Variants in DIP2A observed in about 807,000 individuals in gnomAD.
DIP2A encodes disco-interacting protein 2 homolog A.
DIP2A carries 85 observed loss-of-function variants against 177.4 expected under a neutral mutation model. The ratio of observed to expected loss-of-function variants is 0.48; its 90% CI spans 0.40 to 0.57. DIP2A has a LOEUF of 0.57. Among genes scored for constraint, DIP2A ranks in the 20% least tolerant of loss-of-function variants. The probability of loss-of-function intolerance (pLI) is 0.00; values close to 1 mark genes in which losing one functional copy is unlikely to be tolerated. For missense variants in DIP2A, 1,791 were observed against 2,100.2 expected, an observed-to-expected ratio of 0.85 and a Z score of 2.88; for synonymous variants, 886 against 881.8, an observed-to-expected ratio of 1.00 and a Z score of -0.08.
At chr21:46,529,701 T>A (rs967145905) in intron 9 of DIP2A, among the ~76,000 whole-genome samples, 1 of 152,256 alleles carries the variant, frequency 6.6e-6, no homozygotes, top group Non-Finnish European at 1.5e-5. Context: ...GTTTCATTGT[T>A]TGTCCACTGT....
At chr21:46,547,108 G>A (rs911932905) in intron 21 of DIP2A, 66 bp downstream of exon 21, 124 of 1,575,850 alleles carry the variant, frequency 7.9e-5, no homozygotes, top group South Asian at 1.1e-5. Flanking sequence ...AAGTCTTTGT[G>A]CAGTAGATGG....
intron 32 of DIP2A, among the ~76,000 whole-genome samples, chr21:46,559,908 CT>C (rs1257348328): frequency 1.3e-5 from 2 of 152,206 alleles, no homozygotes; most frequent in Admixed American, 1.3e-4. Flanking sequence ...GTGCTTCCCC[CT>C]CCCATGAGTT....
intron 1 of DIP2A, among the ~76,000 whole-genome samples, chr21:46,479,309 G>A (rs375337881): frequency 2.6e-5 from 4 of 152,194 alleles, no homozygotes; most frequent in Non-Finnish European, 5.9e-5. Flanking sequence ...CATTGGAAGA[G>A]TTGGTCTGAG....
intron 36 of DIP2A, 114 bp downstream of exon 36, chr21:46,566,001 C>T (rs944457374): frequency 1.2e-5 from 15 of 1,239,898 alleles, no homozygotes; most frequent in Non-Finnish European, 1.6e-5. Context: ...TGGTATTGCT[C>T]CTTGTGGGGG....
At chr21:46,565,639 A>G in intron 35 of DIP2A, 74 bp from the exon 36 acceptor site, 1 of 1,406,330 alleles carries the variant, frequency 7.1e-7, no homozygotes, top group Non-Finnish European at 9.7e-7. Flanking sequence ...ATTCTTGGCC[A>G]GTGGATGTCT....
At chr21:46,501,198 T>C (rs1035743876) in intron 5 of DIP2A, among the ~76,000 whole-genome samples, 1 of 152,188 alleles carries the variant, frequency 6.6e-6, no homozygotes, top group Non-Finnish European at 1.5e-5. Flanking sequence ...GAAGAATATA[T>C]TAAGTAAAAA....
rs2060911304 is a variant in DIP2A, at chr21:46,569,101, G to A, written c.*1479G>A. The A allele has an allele frequency of 6.6e-6, 1 of 152,176 alleles. No homozygotes were observed. The highest frequency in any genetic ancestry group is 1.5e-5 in the Non-Finnish European group (1 of 68,032). 9.4% of individuals were successfully genotyped at this position (152,176 alleles called of 1,614,324 possible). On this transcript the variant is annotated 3_prime_UTR_variant, in exon 38 of 38. Transcript: ENST00000417564. ...ATTATTTTTATATAGCTAATGAAGA[G>A]TATGTTACGAAATTGTTGGGTTTTT...
rs750623058 is a variant in DIP2A at position 46,550,677 on chromosome 21, G to A, written c.2772G>A (p.Pro924=). ...GCTTTCTGGAAGGGACGCTGCACCC[G>A]TGTAATGTGCTGATGTGCCCTCACA... The part of the protein sequence containing the change: ...KQRFLEGTLH[P]CNVLMCPHTC... Residue 924 remains proline (P), a synonymous_variant, in exon 23 of 38, where the codon CCG becomes CCA. Transcript: ENST00000417564. 25 of 1,613,870 alleles carry A rather than the reference G, an allele frequency of 1.5e-5. No homozygotes were observed. Among genetic ancestry groups the A allele is most frequent in the South Asian group, 1.4e-4 (13 of 91,078 alleles).
chr21:46,554,786 G>GGGGGGGGGGGGGGCCCCCC, intron 27 of DIP2A, 36 bp from the exon 28 acceptor site: 3 of 1,519,016 alleles, frequency 2.0e-6, no homozygotes, highest in Non-Finnish European at 2.7e-6. Flanking sequence ...AGCTTGAGAG[G>GGGGGGGGGGGGGGCCCCCC]CCCCGCCCAC....
chr21:46,461,923 A>C (rs2054352292), intron 1 of DIP2A, among the ~76,000 whole-genome samples: 1 of 150,604 alleles, frequency 6.6e-6, no homozygotes, highest in Non-Finnish European at 1.5e-5. Flanking sequence ...TTGGCTGGGC[A>C]TGGTGGTGTG....
Position 46,541,864 on chromosome 21 carries a change from T to C in DIP2A, c.2145T>C (p.Thr715=), listed in dbSNP as rs374738275. The C allele has an allele frequency of 4.3e-5, 70 of 1,614,074 alleles. No homozygotes were observed. In the South Asian group the frequency reaches 4.8e-4, roughly 11 times the overall value. Residue 715 remains threonine, a synonymous_variant, in exon 18 of 38, where the codon ACT becomes ACC. Coordinates refer to ENST00000417564, the MANE Select transcript of DIP2A (RefSeq NM_015151.4). ...VDTEEKLSVL[T]VQDVGQVMPG... Reference sequence around the variant, plus strand: ...CTGAAGAAAAGTTGTCAGTCCTTACTGTTCAGGACGTTGGTCAGGTGATGC... The same window carrying C: ...CTGAAGAAAAGTTGTCAGTCCTTACCGTTCAGGACGTTGGTCAGGTGATGC...
intron 2 of DIP2A, among the ~76,000 whole-genome samples, chr21:46,489,510 G>A (rs375981294): frequency 6.6e-6 from 1 of 152,144 alleles, no homozygotes; most frequent in East Asian, 1.9e-4. Context: ...TAGACTTGGT[G>A]TGTGGTGTTG....
At chr21:46,517,262 A>G (rs552370812) in intron 8 of DIP2A, among the ~76,000 whole-genome samples, 2 of 151,344 alleles carry the variant, frequency 1.3e-5, no homozygotes, top group South Asian at 4.2e-4. Context: ...TTTTTTTTAT[A>G]GAGATGGGGT....
intron 8 of DIP2A, among the ~76,000 whole-genome samples, chr21:46,514,969 C>T (rs75383830): frequency 4.7e-4 from 72 of 152,156 alleles, no homozygotes; most frequent in East Asian, 3.9e-3. Flanking sequence ...GTAAAGCAGC[C>T]GTTCATTTGT....
chr21:46,504,433 C>T lies in DIP2A; in HGVS notation c.728C>T (p.Ala243Val). ...TCGTACTTTGAGCGTCCACAGGTGG[C>T]TTCTGTGAGAAGTGTTCCTCGGGGG... is the stretch of plus-strand genomic sequence containing the variant. Reference protein sequence around the residue: ...EHSYFERPQVASVRSVPRGCS... With the variant: ...EHSYFERPQVVSVRSVPRGCS... The change falls in exon 6 of 38, where the codon GCT (alanine) becomes GTT (valine). Residue 243 changes from alanine to valine, a missense_variant. Physicochemically the swap from Ala to Val is moderately conservative, Grantham distance 64 (BLOSUM62 0). Transcript: ENST00000417564. 1 of 1,613,834 alleles carries T rather than the reference C, an allele frequency of 6.2e-7. No homozygotes were observed. Among genetic ancestry groups the T allele is most frequent in the Non-Finnish European group, 8.5e-7 (1 of 1,179,822 alleles).
chr21:46,526,200 C>G (rs1190175033), intron 8 of DIP2A, among the ~76,000 whole-genome samples: 1 of 151,778 alleles, frequency 6.6e-6, no homozygotes, highest in Middle Eastern at 3.2e-3. Flanking sequence ...GTGAGCCACC[C>G]GCACCTGGCC....
intron 18 of DIP2A, among the ~76,000 whole-genome samples, chr21:46,544,528 G>A (rs535326568): frequency 2.6e-5 from 4 of 152,346 alleles, no homozygotes; most frequent in Non-Finnish European, 5.9e-5. Flanking sequence ...CTGAGGGAGT[G>A]CCCTGGGCCT....
intron 32 of DIP2A, 62 bp downstream of exon 32, chr21:46,558,455 C>T (rs1185045886): frequency 6.6e-7 from 1 of 1,520,132 alleles, no homozygotes; most frequent in Non-Finnish European, 8.9e-7. Flanking sequence ...GACCCAGTTT[C>T]CCAGTTGTTA....
rs1158079586 is a variant in DIP2A at position 46,509,384 on chromosome 21, T to A, written c.904+8T>A. 1.3e-6 allele frequency: 2 copies of A among 1,598,880 alleles called. No individual in the cohort carries two copies. The highest frequency in any genetic ancestry group is 1.7e-6 in the Non-Finnish European group (2 of 1,174,632). ...TTGAGGAATTGTTGGAAGGTAAGAG[T>A]TGTCCAACTTTGAGCTTTTCTGTTT... On this transcript the variant is annotated splice_region_variant and intron_variant, in intron 7 of 37. Coordinates refer to ENST00000417564, the MANE Select transcript of DIP2A (RefSeq NM_015151.4).
Sources: allele counts gnomAD v4.1 joint callset (sites outside exome capture counted in the v4.1 genomes callset), GRCh38; gene constraint gnomAD v4.1.1; transcripts MANE v1.5; gene names NCBI Gene and HGNC (gene_info 2026-07-23, HGNC 2026-07-21).